VPS37A: variants seen among roughly 807,000 people sequenced by gnomAD.
VPS37A encodes vacuolar protein sorting-associated protein 37A.
A neutral mutation model predicts 49.8 loss-of-function variants in VPS37A; 30 were observed. The observed-to-expected ratio is 0.60, with a 90% CI of 0.45 to 0.82. The LOEUF is 0.82. Among genes scored for constraint, VPS37A ranks in the 40% least tolerant of loss-of-function variants. The probability of loss-of-function intolerance (pLI) is 0.00; values close to 1 mark genes in which losing one functional copy is unlikely to be tolerated. For missense variants in VPS37A, 593 were observed against 464.4 expected, an observed-to-expected ratio of 1.28 and a Z score of -2.55; for synonymous variants, 195 against 160.6, an observed-to-expected ratio of 1.21 and a Z score of -1.62.
At chr8:17,253,414 C>T (rs973751552) in intron 1 of VPS37A, among the ~76,000 whole-genome samples, 1 of 152,162 alleles carries the variant, frequency 6.6e-6, no homozygotes, top group Admixed American at 6.5e-5. Context: ...TTTCCTAACT[C>T]TTGTCAAAAA....
chr8:17,268,576 GTAT>G (rs1813685802), intron 3 of VPS37A, among the ~76,000 whole-genome samples: 1 of 152,068 alleles, frequency 6.6e-6, no homozygotes, highest in Admixed American at 6.5e-5. Context: ...ATATACTCTA[GTAT>G]TTACCTTTGA....
At chr8:17,268,169 C>CT in intron 2 of VPS37A, 89 bp from the exon 3 acceptor site, 1 of 891,326 alleles carries the variant, frequency 1.1e-6, no homozygotes, top group Non-Finnish European at 1.7e-6. Flanking sequence ...ATTTAATTTA[C>CT]TTTTAAATAG....
chr8:17,311,431 A>C, the VPS37A span: 1 of 1,573,024 alleles, frequency 6.4e-7, no homozygotes, highest in Non-Finnish European at 8.7e-7. Context: ...AGAAAACAGC[A>C]GTTGCCAGTA....
the VPS37A span, among the ~76,000 whole-genome samples, chr8:17,316,969 G>A: frequency 1.3e-5 from 2 of 152,306 alleles, no homozygotes; most frequent in South Asian, 4.1e-4. Flanking sequence ...TCACCAGTAG[G>A]TTGGGAAAGT....
At chr8:17,253,514 C>T (rs1166490835) in intron 1 of VPS37A, among the ~76,000 whole-genome samples, 1 of 152,190 alleles carries the variant, frequency 6.6e-6, no homozygotes, top group African/African-American at 2.4e-5. Flanking sequence ...TGTAACGTTT[C>T]ATATATGGCA....
chr8:17,260,271 T>C (rs911408765), intron 1 of VPS37A, among the ~76,000 whole-genome samples: 4 of 152,164 alleles, frequency 2.6e-5, no homozygotes, highest in African/African-American at 7.2e-5. Context: ...AAAACATATA[T>C]GTAATAAGTT....
intron 11 of VPS37A, among the ~76,000 whole-genome samples, chr8:17,294,367 AGTGG>A (rs1816430862): frequency 6.6e-6 from 1 of 152,178 alleles, no homozygotes; most frequent in African/African-American, 2.4e-5. Flanking sequence ...ATTTCAAGCC[AGTGG>A]ATCTTAGCTT....
the VPS37A span, among the ~76,000 whole-genome samples, chr8:17,323,152 C>T: frequency 1.3e-5 from 2 of 151,484 alleles, no homozygotes; most frequent in Non-Finnish European, 2.9e-5. Context: ...TTCACCATGT[C>T]GGACAGCAGG....
chr8:17,305,655 C>G, downstream of VPS37A: 4 of 1,004,410 alleles, frequency 4.0e-6, no homozygotes, highest in South Asian at 4.8e-5. Context: ...AGGTATGTGA[C>G]TAAATGAAAA....
chr8:17,304,768 T>TGTGTGTGTGTGTGTG (rs1563315402), downstream of VPS37A, among the ~76,000 whole-genome samples: 12 of 147,616 alleles, frequency 8.1e-5, no homozygotes, highest in East Asian at 4.0e-4. Context: ...TGTGTGTGTG[T>TGTGTGTGTGTGTGTG]TAAGCTGTTC....
downstream of VPS37A, among the ~76,000 whole-genome samples, chr8:17,300,627 G>A (rs560362619): frequency 5.3e-5 from 8 of 152,256 alleles, no homozygotes; most frequent in South Asian, 2.1e-4. Flanking sequence ...TTCACTTACC[G>A]TGAAACTCAC....
the VPS37A span, among the ~76,000 whole-genome samples, chr8:17,322,092 G>A: frequency 1.3e-5 from 2 of 151,414 alleles, no homozygotes; most frequent in Non-Finnish European, 2.9e-5. Context: ...AACATATACA[G>A]CCCTCCCTTG....
intron 11 of VPS37A, among the ~76,000 whole-genome samples, chr8:17,294,179 TG>T (rs1816400941): frequency 6.6e-6 from 1 of 152,210 alleles, no homozygotes. Flanking sequence ...AGAGGCAGTC[TG>T]GCTACAGTGG....
chr8:17,267,753 C>T (rs1327141691), intron 2 of VPS37A, among the ~76,000 whole-genome samples: 1 of 152,168 alleles, frequency 6.6e-6, no homozygotes, highest in Non-Finnish European at 1.5e-5. Flanking sequence ...ACTTGAACTC[C>T]TGGGCTCAAG....
chr8:17,280,093 C>G lies in VPS37A; in HGVS notation c.779C>G (p.Pro260Arg), dbSNP rs201764743. 5 of 1,612,574 alleles carry G rather than the reference C, an allele frequency of 3.1e-6. No homozygotes were observed. The Admixed American group carries it at 5.0e-5, about 16-fold the overall frequency. The part of the protein sequence containing the change: ...EVLLEQFLTL[P>R]QLKQIITDKD... Reference sequence around the variant, plus strand: ...TTACTAGAACAGTTTCTGACTTTGCCTCAACTAAAACAAATTATTACCGAC... The same window carrying G: ...TTACTAGAACAGTTTCTGACTTTGCGTCAACTAAAACAAATTATTACCGAC... The change falls in exon 7 of 12, where the codon CCT becomes CGT. Residue 260 changes from proline (P) to arginine (R), a missense_variant. By Grantham distance (103) the Pro-to-Arg change is moderately radical. Coordinates refer to ENST00000324849, the MANE Select transcript of VPS37A (RefSeq NM_152415.3).
chr8:17,331,447 C>T, the VPS37A span, among the ~76,000 whole-genome samples: 1 of 152,236 alleles, frequency 6.6e-6, no homozygotes, highest in Non-Finnish European at 1.5e-5. Context: ...TACATAGCTT[C>T]AGGGACTCCT....
At chr8:17,247,871 G>C (rs762002535) in intron 1 of VPS37A, 5 of 665,930 alleles carry the variant, frequency 7.5e-6, no homozygotes, top group South Asian at 1.7e-5. Flanking sequence ...TTATCACGTA[G>C]TCAGTCTTCT....
chr8:17,309,256 A>C, the VPS37A span: 1 of 1,422,602 alleles, frequency 7.0e-7, no homozygotes, highest in East Asian at 2.3e-5. Flanking sequence ...AACATTCAAA[A>C]CAGTCTTAAA....
the VPS37A span, among the ~76,000 whole-genome samples, chr8:17,329,253 TTCA>T: frequency 1.3e-5 from 2 of 152,164 alleles, no homozygotes; most frequent in Non-Finnish European, 2.9e-5. Context: ...ATTGCAACAC[TTCA>T]TCATCAGCTC....
Sources: gnomAD v4.1 joint callset for allele counts (sites outside exome capture counted in the v4.1 genomes callset) on GRCh38, gnomAD v4.1.1 for gene constraint, MANE v1.5 for transcripts, NCBI Gene and HGNC (gene_info 2026-07-23, HGNC 2026-07-21) for gene names.